The following SGCG variants were observed in gnomAD, a reference collection of about 807,000 sequenced individuals.
The protein encoded by SGCG is sarcoglycan gamma, also known as gamma-sarcoglycan.
A neutral mutation model predicts 29.3 loss-of-function variants in SGCG; 26 were observed. The observed-to-expected ratio is 0.89, with a 90% CI of 0.65 to 1.23. The LOEUF (loss-of-function observed/expected upper bound fraction) is 1.23, where lower values mean the gene tolerates loss of function less well. Ranked by LOEUF, SGCG falls within the 50% of genes most tolerant of loss-of-function variation. The pLI, the probability that SGCG is intolerant of heterozygous loss-of-function variation, is 0.00. For synonymous variants in SGCG, 145 were observed against 129.7 expected (o/e 1.12, Z -0.80); for missense variants, 353 against 356.0 (o/e 0.99, Z 0.07).
intron 4 of SGCG, among the ~76,000 whole-genome samples, chr13:23,272,140 A>AT (rs1880896906): frequency 6.6e-6 from 1 of 152,300 alleles, no homozygotes; most frequent in African/African-American, 2.4e-5. Flanking sequence ...CCTCTAACTG[A>AT]TTTTACTTTA....
chr13:23,208,849 G>A (rs1878081258), intron 2 of SGCG, among the ~76,000 whole-genome samples: 2 of 151,968 alleles, frequency 1.3e-5, no homozygotes, highest in South Asian at 4.1e-4. Context: ...AAAATACTAT[G>A]CAATATTAGT....
chr13:23,249,171 AATT>A (rs1879860609), intron 3 of SGCG, among the ~76,000 whole-genome samples: 2 of 152,128 alleles, frequency 1.3e-5, no homozygotes, highest in African/African-American at 4.8e-5. Flanking sequence ...AACCTCAAAG[AATT>A]ATTATTTAGC....
intron 2 of SGCG, among the ~76,000 whole-genome samples, chr13:23,213,272 C>A (rs1196709956): frequency 6.6e-6 from 1 of 152,118 alleles, no homozygotes; most frequent in Non-Finnish European, 1.5e-5. Context: ...GCCAAGAACT[C>A]AGACCAGCCT....
chr13:23,290,819 T>C (rs1158365848), intron 5 of SGCG, among the ~76,000 whole-genome samples: 2 of 152,232 alleles, frequency 1.3e-5, no homozygotes, highest in African/African-American at 4.8e-5. Flanking sequence ...AGTATTAATA[T>C]TGAATTCAAT....
chr13:23,278,320 G>A (rs2137615807), intron 4 of SGCG, among the ~76,000 whole-genome samples: 1 of 151,968 alleles, frequency 6.6e-6, no homozygotes, highest in East Asian at 2.0e-4. Flanking sequence ...GCGCATGCCT[G>A]TAATCCCAGC....
intron 5 of SGCG, among the ~76,000 whole-genome samples, chr13:23,290,512 TATTA>T (rs1309058467): frequency 6.6e-6 from 1 of 152,240 alleles, no homozygotes; most frequent in Non-Finnish European, 1.5e-5. Context: ...TTGGATTTAT[TATTA>T]CGGAAGTTAT....
At chr13:23,286,169 T>C (rs1881488485) in intron 5 of SGCG, among the ~76,000 whole-genome samples, 1 of 152,194 alleles carries the variant, frequency 6.6e-6, no homozygotes, top group Non-Finnish European at 1.5e-5. Context: ...ATATTTCACC[T>C]CTCAGTGCTT....
the SGCG span, among the ~76,000 whole-genome samples, chr13:23,163,693 T>C: frequency 2.6e-5 from 4 of 152,212 alleles, no homozygotes; most frequent in African/African-American, 9.6e-5. Flanking sequence ...TTTTGTCTAG[T>C]AGACTTTATT....
intron 1 of SGCG, among the ~76,000 whole-genome samples, chr13:23,198,624 A>T (rs866524920): frequency 5.9e-5 from 9 of 152,282 alleles, no homozygotes; most frequent in Middle Eastern, 6.8e-3. Context: ...AGGTAGGCAG[A>T]TCACGAGATC....
At chr13:23,289,166 ACC>A (rs1160608836) in intron 5 of SGCG, among the ~76,000 whole-genome samples, 2 of 152,206 alleles carry the variant, frequency 1.3e-5, no homozygotes, top group Non-Finnish European at 2.9e-5. Flanking sequence ...TCAAACACAT[ACC>A]CAAGGGCACA....
chr13:23,289,325 G>A (rs1881611397), intron 5 of SGCG, among the ~76,000 whole-genome samples: 1 of 152,172 alleles, frequency 6.6e-6, no homozygotes, highest in Admixed American at 6.5e-5. Context: ...CTGGGGAAAG[G>A]GTAACTCCAG....
In SGCG at chr13:23,320,689, A is replaced by G. The variant is rs1304492574; in HGVS notation, c.631A>G (p.Ile211Val). The G allele has an allele frequency of 6.2e-7, 1 of 1,609,916 alleles. No homozygotes were observed. Reference sequence around the variant, plus strand: ...CATGGATGCCCCAAGGGGTGTGCATATTCAAGCTCACGCTGGGAAAATTGA... The same window carrying G: ...CATGGATGCCCCAAGGGGTGTGCATGTTCAAGCTCACGCTGGGAAAATTGA... ...LSMDAPRGVHIQAHAGKIEAL... is the reference protein window; with the variant it reads ...LSMDAPRGVHVQAHAGKIEAL... The change falls in exon 7 of 8, where the codon ATT (isoleucine) becomes GTT (valine). Residue 211 changes from isoleucine (I) to valine (V), a missense_variant. Transcript: ENST00000218867.
At chr13:23,175,616 TC>T in the SGCG span, among the ~76,000 whole-genome samples, 1 of 152,148 alleles carries the variant, frequency 6.6e-6, no homozygotes, top group Non-Finnish European at 1.5e-5. Flanking sequence ...GTTTTCTTTT[TC>T]TTTTAGCCTT....
At chr13:23,169,703 TACAC>T in the SGCG span, 18,762 of 130,826 alleles carry the variant, frequency 0.14, 1,278 homozygotes, top group Non-Finnish European at 0.17. Context: ...CTGTCTCTCA[TACAC>T]ACACACACAC....
At chr13:23,254,659 AG>A (rs1276599289) in intron 4 of SGCG, among the ~76,000 whole-genome samples, 1 of 152,208 alleles carries the variant, frequency 6.6e-6, no homozygotes, top group East Asian at 1.9e-4. Flanking sequence ...AAGGGAGCCA[AG>A]TGCTAATATC....
chr13:23,259,014 TTG>T (rs1418400439), intron 4 of SGCG, among the ~76,000 whole-genome samples: 1 of 152,134 alleles, frequency 6.6e-6, no homozygotes, highest in Non-Finnish European at 1.5e-5. Flanking sequence ...TTCTGTTTTG[TTG>T]TGTCTCTGCC....
At chr13:23,246,902 G>A (rs572802773) in intron 3 of SGCG, 60 of 156,348 alleles carry the variant, frequency 3.8e-4, no homozygotes, top group Middle Eastern at 2.1e-3. Context: ...AGCCCCTGTT[G>A]AGCCACTTTC....
chr13:23,189,828 G>A (rs142897103), intron 1 of SGCG, among the ~76,000 whole-genome samples: 26 of 152,258 alleles, frequency 1.7e-4, no homozygotes, highest in African/African-American at 5.3e-4. Flanking sequence ...AGAGAAATAG[G>A]TTAAAGCTAT....
Position 23,182,749 on chromosome 13 carries a change from G to A in SGCG, c.-1+1674G>A, listed in dbSNP as rs531559893. Reference sequence around the variant, plus strand: ...AAATCTCACTGCCTGCTCGACTTCAGTATGACTGGTGGGTAGGACCACTGA... The same window carrying A: ...AAATCTCACTGCCTGCTCGACTTCAATATGACTGGTGGGTAGGACCACTGA... On this transcript the variant is annotated intron_variant, in intron 1 of 7. Coordinates refer to ENST00000218867, the MANE Select transcript of SGCG (RefSeq NM_000231.3). Among the ~76,000 whole-genome samples, 24 of 152,356 alleles carry A rather than the reference G, an allele frequency of 1.6e-4. 1 individual carries two copies. The South Asian group carries it at 4.8e-3, about 30-fold the overall frequency.
Sources: allele counts gnomAD v4.1 joint callset (sites outside exome capture counted in the v4.1 genomes callset), GRCh38; gene constraint gnomAD v4.1.1; transcripts MANE v1.5; gene names NCBI Gene and HGNC (gene_info 2026-07-23, HGNC 2026-07-21).